Variants in LCORL observed in about 807,000 individuals in gnomAD.
LCORL encodes ligand dependent nuclear receptor corepressor like.
LCORL carries 41 observed loss-of-function variants against 141.8 expected under a neutral mutation model. That is an observed-to-expected ratio of 0.29 (90% CI 0.23 to 0.38). The LOEUF (loss-of-function observed/expected upper bound fraction) is 0.38, where lower values mean the gene tolerates loss of function less well. Among genes scored for constraint, LCORL ranks in the 10% least tolerant of loss-of-function variants. The probability of loss-of-function intolerance (pLI) is 1.00; values close to 1 mark genes in which losing one functional copy is unlikely to be tolerated. For synonymous variants in LCORL, 618 were observed against 694.1 expected (o/e 0.89, Z 1.72); for missense variants, 1,759 against 2,035.0 (o/e 0.86, Z 2.61).
intron 1 of LCORL, among the ~76,000 whole-genome samples, chr4:18,000,380 G>GCACAA (rs1577695288): frequency 6.6e-6 from 1 of 152,158 alleles, no homozygotes; most frequent in East Asian, 1.9e-4. Flanking sequence ...CTCAAACTTG[G>GCACAA]AGAGGCTAAG....
chr4:17,981,214 G>A (rs896716287), intron 1 of LCORL, among the ~76,000 whole-genome samples: 1 of 152,108 alleles, frequency 6.6e-6, no homozygotes, highest in Non-Finnish European at 1.5e-5. Context: ...CTACTGAGTA[G>A]AAATCTTTAA....
chr4:17,913,545 G>A (rs1021853994), intron 4 of LCORL, among the ~76,000 whole-genome samples: 1 of 152,204 alleles, frequency 6.6e-6, no homozygotes, highest in East Asian at 1.9e-4. Context: ...TGACTTTCTG[G>A]AGGCCCAAAG....
chr4:17,873,718 C>G (rs1226275003), exon 7 of LCORL: 1 of 1,233,470 alleles, frequency 8.1e-7, no homozygotes, highest in Admixed American at 4.2e-5. Flanking sequence ...TGAGTATTTC[C>G]ACTGTCAGTA....
intron 5 of LCORL, among the ~76,000 whole-genome samples, chr4:17,892,962 A>G (rs1336622857): frequency 6.6e-6 from 1 of 152,216 alleles, no homozygotes; most frequent in Non-Finnish European, 1.5e-5. Flanking sequence ...ATCATAGTGG[A>G]AGACTTTAGA....
intron 1 of LCORL, among the ~76,000 whole-genome samples, chr4:17,984,956 T>C (rs1266188010): frequency 2.0e-5 from 3 of 152,112 alleles, no homozygotes; most frequent in African/African-American, 7.2e-5. Context: ...TATGTTGTAT[T>C]TTTGTTCTCA....
At chr4:17,983,605 C>T (rs987262519) in intron 1 of LCORL, among the ~76,000 whole-genome samples, 6 of 152,058 alleles carry the variant, frequency 3.9e-5, no homozygotes, top group African/African-American at 1.2e-4. Context: ...AATATTTGTA[C>T]ATTGCTTTTG....
In LCORL at chr4:17,953,932, A is replaced by G. The variant is rs372873507; in HGVS notation, c.430+7971T>C. Reference sequence around the variant, plus strand: ...TAATCCCAGCACTTTGGGAGGCCGAAGCGGGCAGATCACGAGGTCAGGAGA... The same window carrying G: ...TAATCCCAGCACTTTGGGAGGCCGAGGCGGGCAGATCACGAGGTCAGGAGA... On this transcript the variant is annotated intron_variant, in intron 4 of 7. Transcript: ENST00000635767. Among the ~76,000 whole-genome samples, 22 of 152,044 alleles carry G rather than the reference A, an allele frequency of 1.4e-4. No homozygotes were observed. The East Asian group carries it at 4.1e-3, about 28-fold the overall frequency.
chr4:17,866,003 C>A (rs187098881), intron 7 of LCORL, among the ~76,000 whole-genome samples: 1 of 152,358 alleles, frequency 6.6e-6, no homozygotes, highest in East Asian at 1.9e-4. Flanking sequence ...TGGGGAGCCA[C>A]TGAAAGTAGA....
chr4:17,976,019 T>C (rs1008506467), intron 1 of LCORL, among the ~76,000 whole-genome samples: 2 of 152,174 alleles, frequency 1.3e-5, no homozygotes, highest in Non-Finnish European at 2.9e-5. Context: ...ATTGATATCA[T>C]CATTATAAAA....
At chr4:17,844,586 A>AATAG (rs1218696462) in exon 8 of LCORL, 1 of 152,366 alleles carries the variant, frequency 6.6e-6, no homozygotes, top group African/African-American at 2.4e-5. Flanking sequence ...GTCAGTTAAA[A>AATAG]ATAGATGATT....
In LCORL at chr4:17,958,633, A is replaced by G. The variant is rs542767210; in HGVS notation, c.430+3270T>C. On this transcript the variant is annotated intron_variant, in intron 4 of 7. Coordinates refer to ENST00000635767, the Ensembl canonical transcript of LCORL. ...ATACACAGTAATACTTTAAGTACAA[A>G]GCAGAGAAAGGTTAACTATATGTAC... Among the ~76,000 whole-genome samples, 5 of 152,050 alleles carry G rather than the reference A, an allele frequency of 3.3e-5. No individual in the cohort carries two copies. In the South Asian group the frequency reaches 8.3e-4, roughly 25 times the overall value.
intron 4 of LCORL, among the ~76,000 whole-genome samples, chr4:17,922,706 G>A (rs1050757505): frequency 6.6e-6 from 1 of 152,130 alleles, no homozygotes; most frequent in Non-Finnish European, 1.5e-5. Flanking sequence ...GCCTCGCAAG[G>A]TATCTAGTGT....
At chr4:18,003,474 G>C (rs1028258457) in intron 1 of LCORL, among the ~76,000 whole-genome samples, 1 of 152,210 alleles carries the variant, frequency 6.6e-6, no homozygotes, top group African/African-American at 2.4e-5. Flanking sequence ...CAGAGAAATA[G>C]ACTTTGTATT....
In LCORL at chr4:17,842,340, C is replaced by A. The variant is rs200488618; in HGVS notation, c.*3548G>T. ...AGAAAAGTGACAGTTTCAGCTAGGACGAACAGGAGGTGTCAGACTGCTGAA... is the reference window on the plus strand; with the variant it reads ...AGAAAAGTGACAGTTTCAGCTAGGAAGAACAGGAGGTGTCAGACTGCTGAA... On this transcript the variant is annotated 3_prime_UTR_variant, in exon 8 of 8. Coordinates refer to ENST00000635767, the Ensembl canonical transcript of LCORL. The A allele has an allele frequency of 6.8e-6, 11 of 1,611,974 alleles. No individual in the cohort carries two copies. The African/African-American group carries it at 1.5e-4, about 22-fold the overall frequency.
At chr4:17,905,373 A>C (rs1731449873) in intron 5 of LCORL, among the ~76,000 whole-genome samples, 1 of 152,062 alleles carries the variant, frequency 6.6e-6, no homozygotes, top group African/African-American at 2.4e-5. Flanking sequence ...TCAAATGCTT[A>C]ATCATCCATG....
intron 1 of LCORL, among the ~76,000 whole-genome samples, chr4:18,000,440 A>T (rs764700011): frequency 6.6e-6 from 1 of 152,228 alleles, no homozygotes; most frequent in African/African-American, 2.4e-5. Flanking sequence ...TGAAGTTTAA[A>T]AATATTCCAG....
chr4:17,934,873 T>C (rs1307020295), intron 4 of LCORL, among the ~76,000 whole-genome samples: 3 of 152,184 alleles, frequency 2.0e-5, no homozygotes, highest in African/African-American at 7.2e-5. Flanking sequence ...CAAGGTATTT[T>C]AAAATATATT....
chr4:17,979,076 T>C (rs1560433862), intron 1 of LCORL, among the ~76,000 whole-genome samples: 1 of 151,890 alleles, frequency 6.6e-6, no homozygotes, highest in Non-Finnish European at 1.5e-5. Context: ...GGCCCCAGTG[T>C]GTTATGTTCC....
chr4:18,017,107 T>C (rs1314904964), intron 1 of LCORL, among the ~76,000 whole-genome samples: 11 of 152,094 alleles, frequency 7.2e-5, no homozygotes, highest in Non-Finnish European at 1.3e-4. Flanking sequence ...GAGACACCCA[T>C]TGGCCAAACC....
Sources: allele counts gnomAD v4.1 joint callset (sites outside exome capture counted in the v4.1 genomes callset), GRCh38; gene constraint gnomAD v4.1.1; transcripts MANE v1.5; gene names NCBI Gene and HGNC (gene_info 2026-07-23, HGNC 2026-07-21).